Variants in CACNA1D observed in about 807,000 individuals in gnomAD.
CACNA1D encodes calcium voltage-gated channel subunit alpha1 D, also known as voltage-dependent L-type calcium channel subunit alpha-1D.
In CACNA1D, 55 loss-of-function variants were observed where a neutral mutation model predicts 257.1. The ratio of observed to expected loss-of-function variants is 0.21; its 90% CI spans 0.17 to 0.27. The LOEUF is 0.27. Among genes scored for constraint, CACNA1D ranks in the 10% least tolerant of loss-of-function variants. The pLI is 1.00. For missense variants in CACNA1D, 1,876 were observed against 2,784.0 expected (o/e 0.67, Z 7.34); for synonymous variants, 980 against 1,014.9 (o/e 0.97, Z 0.65).
At chr3:53,609,419 A>C (rs1022205931) in intron 3 of CACNA1D, among the ~76,000 whole-genome samples, 1 of 151,810 alleles carries the variant, frequency 6.6e-6, no homozygotes, top group Non-Finnish European at 1.5e-5. Flanking sequence ...CAAAAAAAAA[A>C]AAAAAAAAAA....
chr3:53,752,475 CT>C (rs2095234255), intron 28 of CACNA1D, among the ~76,000 whole-genome samples: 1 of 152,228 alleles, frequency 6.6e-6, no homozygotes, highest in South Asian at 2.1e-4. Flanking sequence ...TCTCGGCTCA[CT>C]GCAACCTCCG....
intron 7 of CACNA1D, among the ~76,000 whole-genome samples, chr3:53,667,717 A>G (rs546883010): frequency 7.2e-5 from 11 of 152,300 alleles, no homozygotes; most frequent in African/African-American, 2.4e-4. Flanking sequence ...TTTTATCTTT[A>G]ATCCCCAAAG....
intron 39 of CACNA1D, 105 bp from the exon 40 acceptor site, chr3:53,786,717 A>AACC: frequency 7.3e-6 from 2 of 275,354 alleles, no homozygotes; most frequent in Non-Finnish European, 7.7e-6. Flanking sequence ...CGGACCGCCC[A>AACC]CCCGCCCCAC....
intron 8 of CACNA1D, chr3:53,679,269 TCAAAAAAAAAAAAAAAAAA>T (rs1354460622): frequency 2.7e-3 from 17 of 6,376 alleles, no homozygotes; most frequent in African/African-American, 5.3e-3. Flanking sequence ...AAACTCCATC[TCAAAAAAAAAAAAAAAAAA>T]AAAAAAAAAA....
At chr3:53,762,538 C>A (rs529441889) in intron 30 of CACNA1D, 2 of 457,262 alleles carry the variant, frequency 4.4e-6, no homozygotes, top group South Asian at 3.1e-5. Context: ...CTTCTGAATG[C>A]TTGCCCTAAC....
chr3:53,516,859 T>C (rs955783290), intron 3 of CACNA1D, among the ~76,000 whole-genome samples: 1 of 152,206 alleles, frequency 6.6e-6, no homozygotes, highest in African/African-American at 2.4e-5. Flanking sequence ...AAATGACTCT[T>C]TGCTGAGGGA....
chr3:53,694,852 C>G (rs1482190859), intron 8 of CACNA1D, among the ~76,000 whole-genome samples: 4 of 152,036 alleles, frequency 2.6e-5, no homozygotes, highest in Non-Finnish European at 4.4e-5. Context: ...GATGCAGTCA[C>G]AGGTGAAGGA....
chr3:53,553,921 G>A (rs1250499231), intron 3 of CACNA1D, among the ~76,000 whole-genome samples: 1 of 151,364 alleles, frequency 6.6e-6, no homozygotes, highest in Non-Finnish European at 1.5e-5. Flanking sequence ...CATGGGCTGG[G>A]CATGGTGGCT....
chr3:53,741,747 C>T (rs940756219), intron 21 of CACNA1D, among the ~76,000 whole-genome samples: 1 of 152,162 alleles, frequency 6.6e-6, no homozygotes, highest in Non-Finnish European at 1.5e-5. Context: ...TCTGCCTCAG[C>T]TTCTTGGTTT....
At chr3:53,685,522 A>G (rs2094466493) in intron 8 of CACNA1D, among the ~76,000 whole-genome samples, 1 of 152,182 alleles carries the variant, frequency 6.6e-6, no homozygotes, top group South Asian at 2.1e-4. Context: ...ATTGCGGAAT[A>G]CACATTCTTT....
At chr3:53,678,532 C>T (rs892553661) in intron 8 of CACNA1D, among the ~76,000 whole-genome samples, 2 of 152,136 alleles carry the variant, frequency 1.3e-5, no homozygotes, top group Non-Finnish European at 2.9e-5. Context: ...TTTAAGGGAA[C>T]ATGGATGAAG....
chr3:53,745,896 G>A (rs375764949), intron 25 of CACNA1D, 21 bp downstream of exon 25: 3 of 1,598,206 alleles, frequency 1.9e-6, no homozygotes, highest in South Asian at 1.1e-5. Context: ...TGAGAGTGGA[G>A]TAGGGGACTT....
chr3:53,727,244 G>A (rs770633701), intron 15 of CACNA1D, among the ~76,000 whole-genome samples: 4 of 152,208 alleles, frequency 2.6e-5, no homozygotes, highest in Admixed American at 6.5e-5. Flanking sequence ...GGGAAGGAGC[G>A]TGAGACAGCA....
chr3:53,724,745 G>A (rs1382099430), intron 14 of CACNA1D, among the ~76,000 whole-genome samples: 1 of 152,216 alleles, frequency 6.6e-6, no homozygotes, highest in Non-Finnish European at 1.5e-5. Context: ...CCCTGCCAGA[G>A]AGGAAAGGCA....
chr3:53,709,744 G>A (rs1485524611), intron 9 of CACNA1D, among the ~76,000 whole-genome samples: 1 of 152,204 alleles, frequency 6.6e-6, no homozygotes, highest in African/African-American at 2.4e-5. Flanking sequence ...TGGTGGTCAT[G>A]GGAGAGTCGT....
intron 5 of CACNA1D, among the ~76,000 whole-genome samples, chr3:53,660,495 A>G (rs1369323051): frequency 6.6e-6 from 1 of 152,170 alleles, no homozygotes; most frequent in African/African-American, 2.4e-5. Flanking sequence ...GATTTTGTGG[A>G]CGAAAGAATC....
intron 38 of CACNA1D, 31 bp downstream of exon 38, chr3:53,780,159 G>T: frequency 6.5e-7 from 1 of 1,527,520 alleles, no homozygotes; most frequent in Non-Finnish European, 9.1e-7. Context: ...AGACAAGATG[G>T]CAGGAAAGGA....
rs1214723727 is a variant in CACNA1D, at chr3:53,800,982, A to G, written c.5041-76A>G. 2.7e-6 allele frequency: 4 copies of G among 1,490,026 alleles called. No individual in the cohort carries two copies. The highest frequency in any genetic ancestry group is 1.4e-5 in the African/African-American group (1 of 72,430). 92.3% of individuals were successfully genotyped at this position (1,490,026 alleles called of 1,614,324 possible). On this transcript the variant is annotated intron_variant, in intron 41 of 47. Coordinates refer to ENST00000350061, the MANE Select transcript of CACNA1D (RefSeq NM_001128840.3). The surrounding 1 kb of genome is among the most constrained non-coding windows in gnomAD (Gnocchi z 4.3). ...TGCCTAGAATTTGTTTTTCATGTAG[A>G]AAAAGTTACCTAACATAGCTAGTCT...
rs1006468059 is a variant in CACNA1D, at chr3:53,497,006, T to A, written c.68-146T>A. 8 of 706,716 alleles carry A rather than the reference T, an allele frequency of 1.1e-5. No homozygotes were observed. The African/African-American group carries it at 1.4e-4, about 13-fold the overall frequency. The allele number at this position is 706,716 out of a possible 1,614,324, so 43.8% of individuals were successfully genotyped here. Reference sequence around the variant, plus strand: ...CTCCAGCTGACTAAAGCCCAGCTTGTGAAAAATAGCACATGAGATTCAAAA... The same window carrying A: ...CTCCAGCTGACTAAAGCCCAGCTTGAGAAAAATAGCACATGAGATTCAAAA... On this transcript the variant is annotated intron_variant, in intron 1 of 47. Coordinates refer to ENST00000350061, the MANE Select transcript of CACNA1D (RefSeq NM_001128840.3).
Sources: allele counts gnomAD v4.1 joint callset (sites outside exome capture counted in the v4.1 genomes callset), GRCh38; gene constraint gnomAD v4.1.1; non-coding constraint Gnocchi (gnomAD v3.1); transcripts MANE v1.5; gene names NCBI Gene and HGNC (gene_info 2026-07-23, HGNC 2026-07-21).